The following GOLGB1 variants were observed in gnomAD, a reference collection of about 807,000 sequenced individuals.
GOLGB1 encodes the protein golgin B1.
A neutral mutation model predicts 336.9 loss-of-function variants in GOLGB1; 174 were observed. That is an observed-to-expected ratio of 0.52 (90% CI 0.46 to 0.59). The LOEUF (loss-of-function observed/expected upper bound fraction) is 0.59, where lower values mean the gene tolerates loss of function less well. Among genes scored for constraint, GOLGB1 ranks in the 20% least tolerant of loss-of-function variants. The pLI is 0.00. For missense variants in GOLGB1, 3,331 were observed against 3,645.3 expected (o/e 0.91, Z 2.22); for synonymous variants, 1,208 against 1,289.2 (o/e 0.94, Z 1.35).
chr3:121,665,033 T>A lies in GOLGB1; in HGVS notation c.9555-2A>T. 2 of 1,568,432 alleles carry A rather than the reference T, an allele frequency of 1.3e-6. No homozygotes were observed. Among genetic ancestry groups the A allele is most frequent in the Non-Finnish European group, 1.8e-6 (2 of 1,138,864 alleles). ...GAGTCCCATTCACTGTGCTCTAACC[T>A]GAGTTGAGAAAAAAAAGAGGCATAG... On this transcript the variant is annotated splice_acceptor_variant, in intron 20 of 21. Transcript: ENST00000614479. LOFTEE classifies it high-confidence loss of function.
Position 121,692,410 on chromosome 3 carries a change from T to G in GOLGB1, c.6954A>C (p.Glu2318Asp), listed in dbSNP as rs1184708803. ...SQNELAKLES[E>D]LKSLKDQLTD... ...TCAACTGGTCTTTGAGACTCTTAAG[T>G]TCTGATTCCAACTTAGCTAATTCAT... Residue 2318 changes from glutamate to aspartate, a missense_variant, in exon 14 of 22, where the codon GAA becomes GAC. Physicochemically the swap from Glu to Asp is conservative, Grantham distance 45. Coordinates refer to ENST00000614479, the MANE Select transcript of GOLGB1 (RefSeq NM_001366282.2). 1 of 1,613,740 alleles carries G rather than the reference T, an allele frequency of 6.2e-7. No individual in the cohort carries two copies. Among genetic ancestry groups the G allele is most frequent in the South Asian group, 1.1e-5 (1 of 90,930 alleles).
chr3:121,741,131 A>G (rs1204889194), intron 1 of GOLGB1, among the ~76,000 whole-genome samples: 1 of 152,202 alleles, frequency 6.6e-6, no homozygotes, highest in African/African-American at 2.4e-5. Flanking sequence ...TAGATATAAA[A>G]AACACAGACA....
In GOLGB1 at chr3:121,699,830, T is replaced by C; in HGVS notation, c.1575A>G (p.Ala525=). ...CACTTACCTCACTGACTTCTCTGTC[T>C]GCCTCCCCAGTTCTATTCTGAGCCT... ...LLEAQNRTGE[A]DREVSEISIV... Residue 525 remains alanine (A), a synonymous_variant, in exon 12 of 22, where the codon GCA becomes GCG. Transcript: ENST00000614479. 3 of 1,603,330 alleles carry C rather than the reference T, an allele frequency of 1.9e-6. No homozygotes were observed. Among genetic ancestry groups the C allele is most frequent in the South Asian group, 1.1e-5 (1 of 90,574 alleles).
chr3:121,694,838 T>C lies in GOLGB1; in HGVS notation c.5685A>G (p.Glu1895=). Residue 1895 remains glutamate (E), a synonymous_variant, in exon 13 of 22, where the codon GAA becomes GAG. Transcript: ENST00000614479. ...GATTTAACAGGTTCATTTTGGTTAC[T>C]TCCTCCTGAAGCATTTTTAGTTCAC... ...KDGELKMLQE[E]VTKMNLLNQQ... The C allele has an allele frequency of 6.2e-7, 1 of 1,613,882 alleles. No homozygotes were observed. Among genetic ancestry groups the C allele is most frequent in the Non-Finnish European group, 8.5e-7 (1 of 1,179,950 alleles).
intron 5 of GOLGB1, among the ~76,000 whole-genome samples, chr3:121,726,088 A>G (rs1292526383): frequency 1.3e-5 from 2 of 151,850 alleles, no homozygotes; most frequent in East Asian, 3.9e-4. Context: ...GCCACACTAA[A>G]AAAAAAAAAA....
At chr3:121,706,912 G>A (rs1198834680) in intron 10 of GOLGB1, among the ~76,000 whole-genome samples, 3 of 151,634 alleles carry the variant, frequency 2.0e-5, no homozygotes, top group Admixed American at 6.6e-5. Context: ...GACAAAAAGT[G>A]TTATTAGAAC....
Position 121,698,831 on chromosome 3 carries a change from T to C in GOLGB1, c.1692A>G (p.Leu564=). ...ENTFSQKHKE[L]SVLLLEMKEA... ...CTTTCATTTCCAACAATAAAACTGA[T>C]AATTCTTTATGTTTCTGAGAAAATG... Residue 564 remains leucine, a synonymous_variant, in exon 13 of 22, where the codon TTA becomes TTG. Transcript: ENST00000614479. The C allele has an allele frequency of 6.2e-7, 1 of 1,612,688 alleles. No homozygotes were observed. The highest frequency in any genetic ancestry group is 8.5e-7 in the Non-Finnish European group (1 of 1,178,928).
rs1333738838 is a variant in GOLGB1 at position 121,727,289 on chromosome 3, CACACATATATATATATATAT to C, written c.403-268_403-249del. ...ATAAACTGTGAAATACATACACACA[CACACATATATATATATATAT>C]ATATATATATATTTTTTTTTTTTTT... On this transcript the variant is annotated intron_variant, in intron 4 of 21. Transcript: ENST00000614479. 3.5e-3 allele frequency among the ~76,000 whole-genome samples: 155 copies of C among 44,336 alleles called. 1 individual carries two copies. The highest frequency in any genetic ancestry group is 8.6e-3 in the African/African-American group (148 of 17,140). 29.1% of individuals were successfully genotyped at this position (44,336 alleles called of 152,430 possible).
Position 121,676,897 on chromosome 3 carries a change from C to G in GOLGB1, c.9173G>C (p.Ser3058Thr). ...AGTCTAACAAGAAACACTTACGTTG[C>G]TGTTCAGTTGCTGAATTCTTAACTC... ...QKELRIQQLN[S>T]NFSQLLEEKN... The change falls in exon 17 of 22, where the codon AGC (serine) becomes ACC (threonine). Residue 3058 changes from serine to threonine, a missense_variant. Physicochemically the swap from Ser to Thr is moderately conservative, Grantham distance 58 (BLOSUM62 1). Transcript: ENST00000614479. 1 of 1,613,412 alleles carries G rather than the reference C, an allele frequency of 6.2e-7. No homozygotes were observed. Among genetic ancestry groups the G allele is most frequent in the Non-Finnish European group, 8.5e-7 (1 of 1,179,372 alleles).
At chr3:121,709,837 G>T (rs541147153) in intron 10 of GOLGB1, among the ~76,000 whole-genome samples, 1 of 152,054 alleles carries the variant, frequency 6.6e-6, no homozygotes, top group African/African-American at 2.4e-5. Context: ...AAAATAATCA[G>T]CAACAGAGAA....
Position 121,697,762 on chromosome 3 carries a change from G to A in GOLGB1, c.2761C>T (p.Gln921Ter). The change falls in exon 13 of 22, where the codon CAG (glutamine) becomes TAG (stop). Residue 921 changes from glutamine to a stop codon, truncating the protein, a stop_gained. Coordinates refer to ENST00000614479, the MANE Select transcript of GOLGB1 (RefSeq NM_001366282.2). LOFTEE classifies it high-confidence loss of function. ...ISFSMTEKMVQLNEEKFSLGV... is the reference protein window; with the variant it reads ...ISFSMTEKMV ...AGAGAAAACTTCTCTTCATTAAGCT[G>A]AACCATTTTCTCAGTCATACTAAAG... 1 of 1,613,872 alleles carries A rather than the reference G, an allele frequency of 6.2e-7. No individual in the cohort carries two copies. The highest frequency in any genetic ancestry group is 8.5e-7 in the Non-Finnish European group (1 of 1,179,862).
chr3:121,749,030 G>C, intron 1 of GOLGB1: 3 of 425,128 alleles, frequency 7.1e-6, no homozygotes, highest in Non-Finnish European at 9.4e-6. Context: ...TGGGATTTTC[G>C]TGTTGACGGG....
At chr3:121,702,066 A>C (rs531460280) in intron 11 of GOLGB1, among the ~76,000 whole-genome samples, 1 of 152,192 alleles carries the variant, frequency 6.6e-6, no homozygotes, top group South Asian at 2.1e-4. Flanking sequence ...CCACTCACTC[A>C]CAACATAGTT....
Position 121,676,208 on chromosome 3 carries a change from G to A in GOLGB1, c.9177+685C>T, listed in dbSNP as rs191061655. ...TGTGCTTTTCCACATGCATGATCACGTTTATTTCAGACTGACTTCGTCCTA... is the reference window on the plus strand; with the variant it reads ...TGTGCTTTTCCACATGCATGATCACATTTATTTCAGACTGACTTCGTCCTA... On this transcript the variant is annotated intron_variant, in intron 17 of 21. Transcript: ENST00000614479. Among the ~76,000 whole-genome samples, 450 of 152,278 alleles carry A rather than the reference G, an allele frequency of 3.0e-3. 1 individual carries two copies. The highest frequency in any genetic ancestry group is 0.01 in the African/African-American group (429 of 41,526).
At chr3:121,747,223 T>C (rs1947371314) in intron 1 of GOLGB1, among the ~76,000 whole-genome samples, 1 of 138,250 alleles carries the variant, frequency 7.2e-6, no homozygotes, top group Non-Finnish European at 1.6e-5. Flanking sequence ...ATGTTATGTA[T>C]GGATGTTACA....
chr3:121,727,311 TA>T, intron 4 of GOLGB1, among the ~76,000 whole-genome samples: 1 of 37,988 alleles, frequency 2.6e-5, no homozygotes, highest in Non-Finnish European at 7.0e-5. Context: ...TATATATATA[TA>T]TATATATATT....
At chr3:121,665,870 G>A (rs374383456) in intron 20 of GOLGB1, among the ~76,000 whole-genome samples, 18 of 152,250 alleles carry the variant, frequency 1.2e-4, no homozygotes, top group African/African-American at 3.6e-4. Context: ...TCTTTTCCCC[G>A]GGAGAGAAGA....
intron 11 of GOLGB1, 60 bp downstream of exon 11, chr3:121,702,420 TA>T: frequency 1.6e-6 from 1 of 634,106 alleles, no homozygotes; most frequent in Non-Finnish European, 2.6e-6. Flanking sequence ...TAATTAGTGA[TA>T]AAAGTAGAGG....
At chr3:121,710,297 G>T (rs1453916924) in intron 10 of GOLGB1, among the ~76,000 whole-genome samples, 1 of 151,584 alleles carries the variant, frequency 6.6e-6, no homozygotes, top group African/African-American at 2.4e-5. Context: ...AGAAAGAAAG[G>T]AAACACTCCC....
Sources: allele counts gnomAD v4.1 joint callset (sites outside exome capture counted in the v4.1 genomes callset), GRCh38; gene constraint gnomAD v4.1.1; transcripts MANE v1.5; gene names NCBI Gene and HGNC (gene_info 2026-07-23, HGNC 2026-07-21).